Variants in ANKDD1A observed in about 807,000 individuals in gnomAD.
ANKDD1A encodes the protein ankyrin repeat and death domain containing 1A.
Under a neutral mutation model 63.5 loss-of-function variants are expected in ANKDD1A, and 59 were observed. The ratio of observed to expected loss-of-function variants is 0.93; its 90% CI spans 0.75 to 1.15. The LOEUF is 1.15. ANKDD1A is among the 50% of genes most tolerant of loss of function. The pLI, the probability that ANKDD1A is intolerant of heterozygous loss-of-function variation, is 0.00. For missense variants in ANKDD1A, 632 were observed against 656.4 expected (o/e 0.96, Z 0.41); for synonymous variants, 266 against 263.9 (o/e 1.01, Z -0.08).
At chr15:64,952,355 CTCCTTCTTCTTTCTTCT>C (rs1243706105) in intron 14 of ANKDD1A, among the ~76,000 whole-genome samples, 238 of 111,562 alleles carry the variant, frequency 2.1e-3, no homozygotes, top group African/African-American at 7.5e-3. Context: ...TTAGTTCTTC[CTCCTTCTTCTTTCTTCT>C]TCCTCTTTCC....
intron 9 of ANKDD1A, among the ~76,000 whole-genome samples, chr15:64,942,132 A>C (rs1454282572): frequency 6.6e-6 from 1 of 152,120 alleles, no homozygotes; most frequent in African/African-American, 2.4e-5. Context: ...ATCTTAAGGT[A>C]TTGTTGCTAG....
chr15:64,949,580 G>A (rs2085252601), intron 13 of ANKDD1A, among the ~76,000 whole-genome samples: 1 of 152,202 alleles, frequency 6.6e-6, no homozygotes, highest in African/African-American at 2.4e-5. Flanking sequence ...TGGGTGTTCA[G>A]GAGAAGGCCT....
At chr15:64,952,916 CCTTCTTCTTAGTTCTTCTT>C (rs2085325182) in intron 14 of ANKDD1A, among the ~76,000 whole-genome samples, 1 of 135,676 alleles carries the variant, frequency 7.4e-6, no homozygotes, top group African/African-American at 2.6e-5. Context: ...CTCTTCTTCT[CCTTCTTCTTAGTTCTTCTT>C]CCTCTTCTTC....
Position 64,943,551 on chromosome 15 carries a change from T to C in ANKDD1A, c.1034T>C (p.Ile345Thr). 1.2e-6 allele frequency: 2 copies of C among 1,614,200 alleles called. No individual in the cohort carries two copies. Among genetic ancestry groups the C allele is most frequent in the Non-Finnish European group, 1.7e-6 (2 of 1,180,032 alleles). The stretch of plus-strand genomic sequence containing the variant: ...CAGGACATAGCAGATATGCTCCTCA[T>C]TGCTGGGGTTGACTTAAACCTGAGA... ...AWQDIADMLL[I>T]AGVDLNLRDK... Residue 345 changes from isoleucine to threonine, a missense_variant, in exon 11 of 15, where the codon ATT (isoleucine) becomes ACT (threonine). Transcript: ENST00000319580.
chr15:64,953,050 CTCT>C (rs1200393769), intron 14 of ANKDD1A, among the ~76,000 whole-genome samples: 2 of 144,548 alleles, frequency 1.4e-5, no homozygotes, highest in Non-Finnish European at 3.0e-5. Context: ...CTTCTTTCCT[CTCT>C]TTTTTCTTCC....
chr15:64,914,805 G>C (rs1325229386), intron 1 of ANKDD1A, among the ~76,000 whole-genome samples: 2 of 139,396 alleles, frequency 1.4e-5, no homozygotes, highest in Non-Finnish European at 3.0e-5. Context: ...TCCTGGCTCA[G>C]AGACTAATGC....
chr15:64,945,051 G>T (rs2085212427), intron 12 of ANKDD1A, among the ~76,000 whole-genome samples: 1 of 152,224 alleles, frequency 6.6e-6, no homozygotes, highest in Non-Finnish European at 1.5e-5. Flanking sequence ...GTGAAAAAGA[G>T]AGGGCAGGTG....
intron 14 of ANKDD1A, among the ~76,000 whole-genome samples, chr15:64,954,849 TCTTCTTCTTTCTTCTCCTTTTCTTCTTC>T (rs1254235524): frequency 0.01 from 226 of 21,870 alleles, 1 homozygote; most frequent in Middle Eastern, 0.045. Context: ...TCTTCTTCCT[TCTTCTTCTTTCTTCTCCTTTTCTTCTTC>T]CTTCTCCTCC....
chr15:64,952,616 C>T, intron 14 of ANKDD1A, among the ~76,000 whole-genome samples: 1 of 61,436 alleles, frequency 1.6e-5, no homozygotes, highest in East Asian at 5.8e-4. Context: ...TCTTCCTCCT[C>T]TCCTTCTTCG....
rs1444762586 is a variant in ANKDD1A, at chr15:64,958,541, TAAATTA to T, written c.*1356_*1361del. 1 of 152,202 alleles carries T rather than the reference TAAATTA, an allele frequency of 6.6e-6. No individual in the cohort carries two copies. The highest frequency in any genetic ancestry group is 1.5e-5 in the Non-Finnish European group (1 of 68,042). 9.4% of individuals were successfully genotyped at this position (152,202 alleles called of 1,614,324 possible). ...TAAAAGGAAAAGAAAACAGAGGCTT[TAAATTA>T]AATCATCTATTCCTTGGGAAAGGTA... On this transcript the variant is annotated 3_prime_UTR_variant, in exon 15 of 15. Transcript: ENST00000319580.
intron 6 of ANKDD1A, 126 bp from the exon 7 acceptor site, chr15:64,930,696 A>G: frequency 2.5e-6 from 2 of 805,708 alleles, no homozygotes; most frequent in Non-Finnish European, 3.9e-6. Context: ...CCCTGGTTAT[A>G]GTTTTTGGCC....
rs1371337184 is a variant in ANKDD1A, at chr15:64,944,691, C to T, written c.1105C>T (p.His369Tyr). Reference sequence around the variant, plus strand: ...CCTGGCAGTGGCCGTCCGCAGCAACCATGTCAGCCTGGTGGACATGATCAT... The same window carrying T: ...CCTGGCAGTGGCCGTCCGCAGCAACTATGTCAGCCTGGTGGACATGATCAT... ...TALAVAVRSN[H>Y]VSLVDMIIKA... Residue 369 changes from histidine (H) to tyrosine (Y), a missense_variant, in exon 12 of 15, where the codon CAT (histidine) becomes TAT (tyrosine). His to Tyr is a moderately conservative substitution (Grantham distance 83). Coordinates refer to ENST00000319580, the MANE Select transcript of ANKDD1A (RefSeq NM_182703.6). 6.2e-7 allele frequency: 1 copy of T among 1,614,096 alleles called. No individual in the cohort carries two copies. The highest frequency in any genetic ancestry group is 8.5e-7 in the Non-Finnish European group (1 of 1,179,994).
At chr15:64,941,108 T>A (rs1398409776) in intron 9 of ANKDD1A, among the ~76,000 whole-genome samples, 1 of 152,222 alleles carries the variant, frequency 6.6e-6, no homozygotes, top group African/African-American at 2.4e-5. Flanking sequence ...TTTACTTTTG[T>A]CTTATTCATT....
At chr15:64,955,523 G>C (rs1275955383) in intron 14 of ANKDD1A, among the ~76,000 whole-genome samples, 1 of 152,206 alleles carries the variant, frequency 6.6e-6, no homozygotes, top group African/African-American at 2.4e-5. Context: ...TACCAGCAGG[G>C]GGATGTGTTT....
intron 14 of ANKDD1A, among the ~76,000 whole-genome samples, chr15:64,954,921 CCTT>C (rs1345020944): frequency 1.4e-4 from 4 of 29,124 alleles, no homozygotes; most frequent in African/African-American, 1.9e-4. Flanking sequence ...TCTTCTCTCT[CCTT>C]CTTCTCCTTC....
intron 10 of ANKDD1A, 113 bp downstream of exon 10, chr15:64,942,678 T>A: frequency 1.4e-6 from 1 of 725,800 alleles, no homozygotes; most frequent in South Asian, 2.2e-5. Context: ...ATCACTTTTT[T>A]TTTTTTTTTT....
chr15:64,930,991 A>C lies in ANKDD1A; in HGVS notation c.669+71A>C, dbSNP rs1448680961. ...TCTCTGCCTTCGAGGAACCCCCACC[A>C]GTCCATGGTGAAGTCTAAAGCCAGA... On this transcript the variant is annotated intron_variant, in intron 7 of 14. Transcript: ENST00000319580. The C allele has an allele frequency of 2.0e-6, 3 of 1,498,990 alleles. No individual in the cohort carries two copies. In the African/African-American group the frequency reaches 4.1e-5, roughly 20 times the overall value. 92.9% of individuals were successfully genotyped at this position (1,498,990 alleles called of 1,614,324 possible).
chr15:64,931,818 A>G, intron 8 of ANKDD1A: 1 of 599,304 alleles, frequency 1.7e-6, no homozygotes, highest in Non-Finnish European at 3.0e-6. Context: ...ACTTTTTTAC[A>G]TTGTTGTGAG....
intron 8 of ANKDD1A, chr15:64,931,974 A>C: frequency 3.8e-6 from 1 of 262,016 alleles, no homozygotes; most frequent in Non-Finnish European, 7.3e-6. Context: ...GCTCACTGTA[A>C]CCTCCGCCTC....
Sources: allele counts gnomAD v4.1 joint callset (sites outside exome capture counted in the v4.1 genomes callset), GRCh38; gene constraint gnomAD v4.1.1; transcripts MANE v1.5; gene names NCBI Gene and HGNC (gene_info 2026-07-23, HGNC 2026-07-21).